Variants in FGF12 observed in about 807,000 individuals in gnomAD.
The protein encoded by FGF12 is fibroblast growth factor 12.
In FGF12, 14 loss-of-function variants were observed where a neutral mutation model predicts 23.6. That is an observed-to-expected ratio of 0.59 (90% CI 0.39 to 0.93). The LOEUF (loss-of-function observed/expected upper bound fraction) is 0.93, where lower values mean the gene tolerates loss of function less well. Among genes scored for constraint, FGF12 ranks in the 40% least tolerant of loss-of-function variants. FGF12 has a pLI of 0.00. For synonymous variants in FGF12, 62 were observed against 77.3 expected, an observed-to-expected ratio of 0.80 and a Z score of 1.04; for missense variants, 175 against 217.8, an observed-to-expected ratio of 0.80 and a Z score of 1.24.
chr3:192,364,576 T>G (rs1718886603), intron 2 of FGF12, among the ~76,000 whole-genome samples: 1 of 152,074 alleles, frequency 6.6e-6, no homozygotes, highest in Non-Finnish European at 1.5e-5. Flanking sequence ...GGAAGTGATG[T>G]GTGCCATTTT....
intron 4 of FGF12, among the ~76,000 whole-genome samples, chr3:192,300,633 T>A (rs534007709): frequency 7.8e-4 from 101 of 129,810 alleles, no homozygotes; most frequent in African/African-American, 3.6e-3. Flanking sequence ...TGTATTTTTT[T>A]ATATATAAAT....
rs1717432017 is a variant in FGF12 at position 192,336,654 on chromosome 3, T to A, written c.125-1190A>T. ...TAGAAGTTCTTATCCACTTTTTCTG[T>A]TGATAAAATTCCTATCAGTTCTCGT... On this transcript the variant is annotated intron_variant, in intron 3 of 5. Transcript: ENST00000445105. The surrounding 1 kb of genome is among the most constrained non-coding windows in gnomAD (Gnocchi z 4.3). Among the ~76,000 whole-genome samples the A allele has an allele frequency of 6.6e-6, 1 of 152,190 alleles. No individual in the cohort carries two copies. The highest frequency in any genetic ancestry group is 2.4e-5 in the African/African-American group (1 of 41,452).
At chr3:192,615,603 C>G (rs770641759) in intron 2 of FGF12, among the ~76,000 whole-genome samples, 3 of 152,076 alleles carry the variant, frequency 2.0e-5, no homozygotes, top group African/African-American at 4.8e-5. Flanking sequence ...TTTTAACTCA[C>G]TGATTCCAAT....
At chr3:192,540,585 A>G (rs1725340744) in intron 2 of FGF12, among the ~76,000 whole-genome samples, 1 of 152,162 alleles carries the variant, frequency 6.6e-6, no homozygotes, top group Admixed American at 6.5e-5. Flanking sequence ...AGAATGATCC[A>G]TGTACTGAGG....
intron 2 of FGF12, among the ~76,000 whole-genome samples, chr3:192,462,984 G>A (rs1442842520): frequency 1.3e-5 from 2 of 152,158 alleles, no homozygotes; most frequent in Non-Finnish European, 2.9e-5. Context: ...CCATGCTCAT[G>A]CTATTGTGTC....
intron 2 of FGF12, among the ~76,000 whole-genome samples, chr3:192,555,155 A>G (rs1442913700): frequency 6.6e-6 from 1 of 152,208 alleles, no homozygotes; most frequent in East Asian, 1.9e-4. Context: ...AAATCTGTGG[A>G]AAGAAATGAA....
chr3:192,261,378 A>G (rs1383330104), intron 4 of FGF12, among the ~76,000 whole-genome samples: 3 of 152,164 alleles, frequency 2.0e-5, no homozygotes, highest in African/African-American at 7.2e-5. Flanking sequence ...GCATCTAGGT[A>G]GTAAGAGACT....
intron 4 of FGF12, among the ~76,000 whole-genome samples, chr3:192,301,968 T>C (rs983046044): frequency 3.9e-5 from 6 of 152,138 alleles, no homozygotes; most frequent in Non-Finnish European, 8.8e-5. Context: ...TCTTACACCT[T>C]TTGCCATGAA....
chr3:192,543,511 G>A (rs185163777), intron 2 of FGF12, among the ~76,000 whole-genome samples: 17 of 152,178 alleles, frequency 1.1e-4, no homozygotes, highest in African/African-American at 1.4e-4. Context: ...CATTGTGGCC[G>A]AGCTGGTACC....
At chr3:192,384,573 G>A (rs1560094380) in intron 2 of FGF12, among the ~76,000 whole-genome samples, 1 of 152,144 alleles carries the variant, frequency 6.6e-6, no homozygotes, top group African/African-American at 2.4e-5. Context: ...CAAATGTGAT[G>A]ACTTCTCTTT....
At chr3:192,185,453 C>T (rs1716404048) in intron 4 of FGF12, among the ~76,000 whole-genome samples, 1 of 152,144 alleles carries the variant, frequency 6.6e-6, no homozygotes, top group African/African-American at 2.4e-5. Flanking sequence ...TTACAGATAG[C>T]TTCCAGCAGT....
At chr3:192,350,759 C>T (rs530214559) in intron 3 of FGF12, among the ~76,000 whole-genome samples, 18 of 152,162 alleles carry the variant, frequency 1.2e-4, no homozygotes, top group African/African-American at 2.2e-4. Flanking sequence ...TTATATAAAA[C>T]GTTATTGGTC....
At chr3:192,197,763 G>A (rs1717146849) in intron 4 of FGF12, among the ~76,000 whole-genome samples, 1 of 151,970 alleles carries the variant, frequency 6.6e-6, no homozygotes, top group Admixed American at 6.6e-5. Flanking sequence ...TGACCAACAT[G>A]AAGAAACCCC....
At chr3:192,628,713 A>G (rs1478584562) in intron 2 of FGF12, among the ~76,000 whole-genome samples, 1 of 149,856 alleles carries the variant, frequency 6.7e-6, no homozygotes, top group African/African-American at 2.4e-5. Flanking sequence ...ACACATAAAT[A>G]TATACATAAA....
At chr3:192,604,427 C>T (rs1714252102) in intron 2 of FGF12, among the ~76,000 whole-genome samples, 1 of 152,140 alleles carries the variant, frequency 6.6e-6, no homozygotes, top group South Asian at 2.1e-4. Flanking sequence ...AATTTATGTT[C>T]CTCTTCTTCA....
intron 4 of FGF12, among the ~76,000 whole-genome samples, chr3:192,199,602 C>G (rs1037636091): frequency 2.0e-5 from 3 of 152,102 alleles, no homozygotes; most frequent in African/African-American, 7.2e-5. Flanking sequence ...AGAGCCAGTG[C>G]ATGAAGTTTA....
At chr3:192,285,857 C>T (rs1414979521) in intron 4 of FGF12, among the ~76,000 whole-genome samples, 1 of 151,886 alleles carries the variant, frequency 6.6e-6, no homozygotes, top group African/African-American at 2.4e-5. Context: ...ATTGAGTGAA[C>T]GAATAGTGTG....
chr3:192,211,250 G>A (rs1007178358), intron 4 of FGF12, among the ~76,000 whole-genome samples: 1 of 152,160 alleles, frequency 6.6e-6, no homozygotes, highest in African/African-American at 2.4e-5. Flanking sequence ...TATAAAAGAA[G>A]AGAAGAATCC....
chr3:192,225,026 A>G (rs1279130868), intron 4 of FGF12, among the ~76,000 whole-genome samples: 1 of 152,054 alleles, frequency 6.6e-6, no homozygotes, highest in African/African-American at 2.4e-5. Context: ...CATCCTTACT[A>G]CAGGCCACAT....
Sources: allele counts gnomAD v4.1 joint callset (sites outside exome capture counted in the v4.1 genomes callset), GRCh38; gene constraint gnomAD v4.1.1; non-coding constraint Gnocchi (gnomAD v3.1); transcripts MANE v1.5; gene names NCBI Gene and HGNC (gene_info 2026-07-23, HGNC 2026-07-21).